Variants in R3HDM1 observed in about 807,000 individuals in gnomAD.
The protein encoded by R3HDM1 is R3H domain-containing protein 1.
R3HDM1 carries 46 observed loss-of-function variants against 141.1 expected under a neutral mutation model. The ratio of observed to expected loss-of-function variants is 0.33; its 90% CI spans 0.26 to 0.42. The LOEUF is 0.42. R3HDM1 is among the 10% of genes least tolerant of loss of function. The pLI, the probability that R3HDM1 is intolerant of heterozygous loss-of-function variation, is 1.00. For synonymous variants in R3HDM1, 435 were observed against 472.9 expected (o/e 0.92, Z 1.04); for missense variants, 1,184 against 1,368.3 (o/e 0.87, Z 2.12).
chr2:135,665,083 A>G (rs1213927868), intron 19 of R3HDM1, among the ~76,000 whole-genome samples: 1 of 152,236 alleles, frequency 6.6e-6, no homozygotes, highest in African/African-American at 2.4e-5. Flanking sequence ...CAGCTTGGCA[A>G]CCAACTGTCA....
chr2:135,640,597 G>A (rs913612195), intron 14 of R3HDM1, among the ~76,000 whole-genome samples: 2 of 152,136 alleles, frequency 1.3e-5, no homozygotes, highest in Non-Finnish European at 2.9e-5. Context: ...CAGTTTTTAT[G>A]AAGAGTCATT....
chr2:135,577,598 G>C (rs980936227), intron 1 of R3HDM1, among the ~76,000 whole-genome samples: 3 of 151,910 alleles, frequency 2.0e-5, no homozygotes, highest in African/African-American at 7.2e-5. Context: ...CACTTTGGGA[G>C]GCCAAGGTGG....
chr2:135,724,420 T>C lies in R3HDM1; in HGVS notation c.*128T>C. The stretch of plus-strand genomic sequence containing the variant: ...ATGTGTGTTCATGGCATTATAGCTT[T>C]TGAAGAAAGGCCAGTGATCCAGCAA... On this transcript the variant is annotated 3_prime_UTR_variant, in exon 27 of 27. Transcript: ENST00000683871. 1.4e-6 allele frequency: 1 copy of C among 704,594 alleles called. No individual in the cohort carries two copies. The highest frequency in any genetic ancestry group is 2.2e-6 in the Non-Finnish European group (1 of 444,978). The allele number at this position is 704,594 out of a possible 1,614,324, so 43.6% of individuals were successfully genotyped here. A position where few individuals can be genotyped will look rare whatever the true frequency, so the allele number is the denominator to read the frequency against.
intron 1 of R3HDM1, among the ~76,000 whole-genome samples, chr2:135,548,977 T>A (rs1385286385): frequency 6.6e-6 from 1 of 152,238 alleles, no homozygotes; most frequent in African/African-American, 2.4e-5. Context: ...AATTTAATAC[T>A]GTCAAACGTT....
At position 135,639,119 on chromosome 2, in the gene R3HDM1, A is replaced by G. The variant is rs1574591549; in HGVS notation, c.1216A>G (p.Thr406Ala). 6.2e-7 allele frequency: 1 copy of G among 1,613,814 alleles called. No individual in the cohort carries two copies. Among genetic ancestry groups the G allele is most frequent in the African/African-American group, 1.3e-5 (1 of 74,994 alleles). The stretch of plus-strand genomic sequence containing the variant: ...CAAAAGCATAGGCAGGCTTTCAAAA[A>G]CAGGTATAAATATCTACACAAAACT... The part of the protein sequence containing the change: ...SSKSIGRLSK[T>A]GSESSGSVGS... The change falls in exon 14 of 27, where the codon ACA (threonine) becomes GCA (alanine). Residue 406 changes from threonine to alanine, a missense_variant. By Grantham distance (58) the Thr-to-Ala change is moderately conservative. Coordinates refer to ENST00000683871, the MANE Select transcript of R3HDM1 (RefSeq NM_001378107.1).
chr2:135,709,672 C>T, intron 22 of R3HDM1, 136 bp downstream of exon 22: 3 of 1,059,460 alleles, frequency 2.8e-6, no homozygotes, highest in Non-Finnish European at 4.1e-6. Flanking sequence ...GGGTGCTGTA[C>T]TGAATCATAG....
chr2:135,686,500 C>T (rs2071361416), intron 21 of R3HDM1, among the ~76,000 whole-genome samples: 1 of 152,102 alleles, frequency 6.6e-6, no homozygotes, highest in Non-Finnish European at 1.5e-5. Flanking sequence ...CTTTTTGAGG[C>T]CAAGGCATGA....
intron 1 of R3HDM1, among the ~76,000 whole-genome samples, chr2:135,576,626 A>G (rs555008750): frequency 7.2e-5 from 11 of 152,228 alleles, no homozygotes; most frequent in Admixed American, 5.9e-4. Context: ...TGATAATTGG[A>G]TAAGCAGAGT....
chr2:135,669,826 T>G (rs144004031), intron 19 of R3HDM1, among the ~76,000 whole-genome samples: 13 of 152,286 alleles, frequency 8.5e-5, no homozygotes, highest in African/African-American at 2.9e-4. Context: ...TAAATATCAT[T>G]TGAGGCTTAG....
chr2:135,704,424 A>G (rs1036937188), intron 21 of R3HDM1, among the ~76,000 whole-genome samples: 1 of 152,054 alleles, frequency 6.6e-6, no homozygotes, highest in Non-Finnish European at 1.5e-5. Context: ...TAAACTTTTC[A>G]GTTTTCAAAA....
At chr2:135,641,929 CACTT>C (rs1191305789) in intron 15 of R3HDM1, 139 bp downstream of exon 15, 7 of 1,108,082 alleles carry the variant, frequency 6.3e-6, no homozygotes, top group African/African-American at 1.6e-5. Flanking sequence ...ATAACAAAAA[CACTT>C]AATGCTAGGG....
intron 11 of R3HDM1, 66 bp downstream of exon 11, chr2:135,636,249 C>A (rs2063234785): frequency 1.3e-6 from 2 of 1,534,774 alleles, no homozygotes; most frequent in Non-Finnish European, 8.7e-7. Flanking sequence ...GGGTCTCAGT[C>A]TCCCTTTTAT....
intron 3 of R3HDM1, 165 bp downstream of exon 3, chr2:135,605,181 C>T (rs1441178005): frequency 3.7e-6 from 2 of 541,878 alleles, no homozygotes; most frequent in Non-Finnish European, 6.4e-6. Context: ...TGCTGTGAGT[C>T]TTAACTTGGC....
intron 20 of R3HDM1, 77 bp downstream of exon 20, chr2:135,675,563 A>G (rs916071872): frequency 1.3e-5 from 18 of 1,380,830 alleles, no homozygotes; most frequent in Admixed American, 4.2e-5. Flanking sequence ...TACATCTTCT[A>G]TGCTCTCCTT....
intron 20 of R3HDM1, among the ~76,000 whole-genome samples, chr2:135,679,491 A>G (rs1341401367): frequency 2.0e-5 from 3 of 152,176 alleles, no homozygotes; most frequent in Non-Finnish European, 4.4e-5. Context: ...TTTAAGCTCC[A>G]AAGCTCTCAC....
At chr2:135,712,383 C>T (rs2075747060) in intron 23 of R3HDM1, among the ~76,000 whole-genome samples, 1 of 151,570 alleles carries the variant, frequency 6.6e-6, no homozygotes, top group African/African-American at 2.4e-5. Flanking sequence ...CCCACCTCAG[C>T]CACTTGAGTA....
At chr2:135,547,767 CTTTTTTTT>C (rs56950620) in intron 1 of R3HDM1, among the ~76,000 whole-genome samples, 27 of 107,352 alleles carry the variant, frequency 2.5e-4, no homozygotes, top group Admixed American at 1.8e-3. Context: ...TTTTTCTTTT[CTTTTTTTT>C]TTTTTTTTTT....
intron 1 of R3HDM1, among the ~76,000 whole-genome samples, chr2:135,572,272 A>T (rs981495009): frequency 2.0e-5 from 3 of 152,342 alleles, no homozygotes; most frequent in East Asian, 3.9e-4. Context: ...GCAAAATTTT[A>T]AAAAATGATA....
rs190987290 is a variant in R3HDM1, at chr2:135,714,976, A to G, written c.2737-574A>G. Among the ~76,000 whole-genome samples, 34 of 152,350 alleles carry G rather than the reference A, an allele frequency of 2.2e-4. 1 individual carries two copies. Among genetic ancestry groups the G allele is most frequent in the Admixed American group, 8.5e-4 (13 of 15,306 alleles). ...GTATCGGCAATATTATTGCCAAGGT[A>G]CAAAAGCAAGTTTTGAAAGTAGGAT... On this transcript the variant is annotated intron_variant, in intron 23 of 26. Coordinates refer to ENST00000683871, the MANE Select transcript of R3HDM1 (RefSeq NM_001378107.1).
Sources: allele counts gnomAD v4.1 joint callset (sites outside exome capture counted in the v4.1 genomes callset), GRCh38; gene constraint gnomAD v4.1.1; transcripts MANE v1.5; gene names NCBI Gene and HGNC (gene_info 2026-07-23, HGNC 2026-07-21).